The following LPGAT1 variants were observed in gnomAD, a reference collection of about 807,000 sequenced individuals.
LPGAT1 encodes acyl-CoA:lysophosphatidylglycerol acyltransferase 1.
A neutral mutation model predicts 47.5 loss-of-function variants in LPGAT1; 11 were observed. That is an observed-to-expected ratio of 0.23 (90% CI 0.15 to 0.38). LPGAT1 has a LOEUF of 0.38. Ranked by LOEUF, LPGAT1 falls within the 10% of genes least tolerant of loss-of-function variation. The pLI is 1.00. For synonymous variants in LPGAT1, 138 were observed against 144.2 expected (o/e 0.96, Z 0.31); for missense variants, 293 against 439.0 (o/e 0.67, Z 2.97).
At chr1:211,767,887 T>C (rs2102512918) in intron 6 of LPGAT1, among the ~76,000 whole-genome samples, 1 of 152,248 alleles carries the variant, frequency 6.6e-6, no homozygotes, top group African/African-American at 2.4e-5. Context: ...ATTTTGGGGC[T>C]GGGGCTGAGG....
intron 6 of LPGAT1, among the ~76,000 whole-genome samples, chr1:211,753,512 T>C (rs1295504744): frequency 6.6e-6 from 1 of 152,082 alleles, no homozygotes; most frequent in Non-Finnish European, 1.5e-5. Flanking sequence ...CACTCAGGTC[T>C]TTTTAATTTT....
intron 2 of LPGAT1, among the ~76,000 whole-genome samples, chr1:211,825,655 C>A (rs61598472): frequency 1.3e-5 from 2 of 152,204 alleles, no homozygotes; most frequent in South Asian, 2.1e-4. Context: ...TACAGCACTT[C>A]CTACTAAAGA....
chr1:211,813,653 G>T (rs1660074478), intron 2 of LPGAT1, among the ~76,000 whole-genome samples: 1 of 152,150 alleles, frequency 6.6e-6, no homozygotes. Context: ...TGACAAGAAT[G>T]GAATTATTTC....
chr1:211,743,753 A>C lies in LPGAT1; in HGVS notation c.*6146T>G, dbSNP rs1375950706. 1 of 152,202 alleles carries C rather than the reference A, an allele frequency of 6.6e-6. No homozygotes were observed. Among genetic ancestry groups the C allele is most frequent in the East Asian group, 1.9e-4 (1 of 5,196 alleles). The allele number at this position is 152,202 out of a possible 1,614,324, so 9.4% of individuals were successfully genotyped here. Reference sequence around the variant, plus strand: ...CCAGTCTGTTCCTTGTCTTCCACAGAAAGTAGTTCCAGGGGAAAAAGAAAT... The same window carrying C: ...CCAGTCTGTTCCTTGTCTTCCACAGCAAGTAGTTCCAGGGGAAAAAGAAAT... On this transcript the variant is annotated 3_prime_UTR_variant, in exon 8 of 8. Transcript: ENST00000366997.
intron 2 of LPGAT1, among the ~76,000 whole-genome samples, chr1:211,827,495 T>C (rs1379794030): frequency 1.3e-5 from 2 of 152,170 alleles, no homozygotes; most frequent in African/African-American, 4.8e-5. Context: ...CGCACAAACA[T>C]TTCAGTAATT....
chr1:211,825,188 CTTT>C (rs953536979), intron 2 of LPGAT1, among the ~76,000 whole-genome samples: 101 of 70,876 alleles, frequency 1.4e-3, no homozygotes, highest in East Asian at 5.1e-3. Flanking sequence ...GCACAGTCTT[CTTT>C]TTTTTTTTTT....
intron 3 of LPGAT1, among the ~76,000 whole-genome samples, chr1:211,789,801 G>T (rs994988056): frequency 1.3e-5 from 2 of 151,270 alleles, no homozygotes; most frequent in African/African-American, 4.9e-5. Context: ...AACCCAGGAG[G>T]CGGAGGTTGC....
intron 2 of LPGAT1, among the ~76,000 whole-genome samples, chr1:211,805,833 G>A (rs575277348): frequency 3.5e-4 from 53 of 152,232 alleles, no homozygotes; most frequent in Non-Finnish European, 6.9e-4. Context: ...AAAAAGACAA[G>A]CAAACAAAAG....
intron 2 of LPGAT1, among the ~76,000 whole-genome samples, chr1:211,822,614 T>C (rs1418497241): frequency 6.6e-6 from 1 of 151,794 alleles, no homozygotes; most frequent in Non-Finnish European, 1.5e-5. Flanking sequence ...CCATCTCTAC[T>C]AAACATACAA....
At chr1:211,760,425 G>A (rs1375198631) in intron 6 of LPGAT1, among the ~76,000 whole-genome samples, 2 of 152,126 alleles carry the variant, frequency 1.3e-5, no homozygotes, top group Admixed American at 6.6e-5. Context: ...ACTGCACTCC[G>A]GCCTGGGCAA....
At chr1:211,827,534 C>T (rs1437700688) in intron 2 of LPGAT1, among the ~76,000 whole-genome samples, 1 of 152,158 alleles carries the variant, frequency 6.6e-6, no homozygotes, top group Non-Finnish European at 1.5e-5. Flanking sequence ...ACTTCTAGAA[C>T]GGGTTTCTGA....
chr1:211,829,999 A>G (rs1474072986), intron 1 of LPGAT1: 3 of 985,722 alleles, frequency 3.0e-6, no homozygotes, highest in Non-Finnish European at 3.6e-6. Flanking sequence ...AGCCAGAAAG[A>G]GGTAAAAGCC....
chr1:211,830,163 G>C lies in LPGAT1; in HGVS notation c.-28+410C>G. Reference sequence around the variant, plus strand: ...GTGGAAGGGTCGTGGCGGCGGGCGCGGCCCGCGCGCCGGGCTCACCTCGGC... The same window carrying C: ...GTGGAAGGGTCGTGGCGGCGGGCGCCGCCCGCGCGCCGGGCTCACCTCGGC... On this transcript the variant is annotated intron_variant, in intron 1 of 7. Coordinates refer to ENST00000366997, the MANE Select transcript of LPGAT1 (RefSeq NM_014873.3). This position sits in a 1 kb window ranked among gnomAD's most constrained non-coding sequence, Gnocchi z 5.9. The C allele has an allele frequency of 1.0e-6, 1 of 983,100 alleles. No homozygotes were observed. Among genetic ancestry groups the C allele is most frequent in the Non-Finnish European group, 1.2e-6 (1 of 829,190 alleles). The allele number at this position is 983,100 out of a possible 1,614,324, so 60.9% of individuals were successfully genotyped here.
intron 2 of LPGAT1, among the ~76,000 whole-genome samples, chr1:211,816,761 C>T (rs982265864): frequency 1.4e-4 from 21 of 152,246 alleles, no homozygotes; most frequent in African/African-American, 4.1e-4. Context: ...TCCATTTTTA[C>T]AGATGATGAA....
intron 5 of LPGAT1, among the ~76,000 whole-genome samples, chr1:211,779,902 G>A (rs1658567945): frequency 6.7e-6 from 1 of 148,952 alleles, no homozygotes; most frequent in Non-Finnish European, 1.5e-5. Flanking sequence ...AATTGGCTGG[G>A]TGCAGTGGCT....
At chr1:211,764,923 C>G (rs1345061666) in intron 6 of LPGAT1, among the ~76,000 whole-genome samples, 1 of 152,294 alleles carries the variant, frequency 6.6e-6, no homozygotes. Flanking sequence ...TCCTCTTGAG[C>G]CTTGTTCCTT....
intron 2 of LPGAT1, among the ~76,000 whole-genome samples, chr1:211,794,702 G>A (rs1449721176): frequency 6.6e-6 from 1 of 152,108 alleles, no homozygotes; most frequent in Non-Finnish European, 1.5e-5. Flanking sequence ...ATTATCAAAG[G>A]CCAATTCTAC....
intron 6 of LPGAT1, among the ~76,000 whole-genome samples, chr1:211,761,810 G>A (rs753207732): frequency 2.6e-5 from 4 of 152,162 alleles, no homozygotes; most frequent in East Asian, 1.9e-4. Flanking sequence ...TCTAACACGT[G>A]TGCTATACTT....
chr1:211,756,894 C>G (rs1006626736), intron 6 of LPGAT1, among the ~76,000 whole-genome samples: 3 of 139,998 alleles, frequency 2.1e-5, no homozygotes, highest in Non-Finnish European at 4.6e-5. Context: ...TTTTTCCACA[C>G]ATGGAGAGTC....
Sources: allele counts gnomAD v4.1 joint callset (sites outside exome capture counted in the v4.1 genomes callset), GRCh38; gene constraint gnomAD v4.1.1; non-coding constraint Gnocchi (gnomAD v3.1); transcripts MANE v1.5; gene names NCBI Gene and HGNC (gene_info 2026-07-23, HGNC 2026-07-21).